Variants in SLC30A6 observed in about 807,000 individuals in gnomAD.
SLC30A6 encodes the protein solute carrier family 30 member 6, also known as zinc transporter 6.
In SLC30A6, 55 loss-of-function variants were observed where a neutral mutation model predicts 63.0. The observed-to-expected ratio is 0.87, with a 90% CI of 0.70 to 1.09. The LOEUF is 1.09. Ranked by LOEUF, SLC30A6 falls within the 50% of genes least tolerant of loss-of-function variation. SLC30A6 has a pLI of 0.00. For synonymous variants in SLC30A6, 224 were observed against 186.1 expected (o/e 1.20, Z -1.66); for missense variants, 587 against 549.2 (o/e 1.07, Z -0.69).
intron 4 of SLC30A6, among the ~76,000 whole-genome samples, chr2:32,183,656 C>G (rs575855558): frequency 2.0e-3 from 294 of 149,914 alleles, no homozygotes; most frequent in Non-Finnish European, 3.6e-3. Context: ...CTACTGCACT[C>G]CAGCCTGGGC....
At chr2:32,209,016 T>C (rs1685028641) in intron 12 of SLC30A6, among the ~76,000 whole-genome samples, 1 of 152,198 alleles carries the variant, frequency 6.6e-6, no homozygotes, top group African/African-American at 2.4e-5. Flanking sequence ...ACCAGTGGGC[T>C]ACACACTATA....
intron 2 of SLC30A6, among the ~76,000 whole-genome samples, chr2:32,172,455 C>A (rs1419771425): frequency 6.6e-6 from 1 of 151,562 alleles, no homozygotes; most frequent in Non-Finnish European, 1.5e-5. Flanking sequence ...CTCAAGGGAT[C>A]CTCCTTCCTC....
At chr2:32,190,474 A>T (rs984150584) in intron 5 of SLC30A6, among the ~76,000 whole-genome samples, 1 of 148,484 alleles carries the variant, frequency 6.7e-6, no homozygotes, top group African/African-American at 2.5e-5. Flanking sequence ...AAAAAAAAAA[A>T]GTTTTAAATT....
chr2:32,204,811 A>ATTTT (rs71407425), intron 11 of SLC30A6, 119 bp downstream of exon 11: 41 of 183,022 alleles, frequency 2.2e-4, no homozygotes, highest in Non-Finnish European at 2.8e-4. Context: ...TTTAATTTTA[A>ATTTT]TTTTTTTTTT....
intron 1 of SLC30A6, among the ~76,000 whole-genome samples, chr2:32,170,022 AG>A (rs1310881062): frequency 6.6e-6 from 1 of 152,166 alleles, no homozygotes. Flanking sequence ...TGTGAATTAT[AG>A]TTTTTTTTCA....
At chr2:32,177,107 C>T (rs1185007003) in intron 4 of SLC30A6, among the ~76,000 whole-genome samples, 7 of 152,088 alleles carry the variant, frequency 4.6e-5, no homozygotes, top group Non-Finnish European at 7.4e-5. Context: ...AGAGACCACT[C>T]GCCTTAGCTA....
intron 13 of SLC30A6, among the ~76,000 whole-genome samples, chr2:32,210,654 A>G (rs1685187095): frequency 1.3e-5 from 2 of 151,724 alleles, no homozygotes; most frequent in African/African-American, 4.9e-5. Flanking sequence ...AAAAAAACAG[A>G]TAGGGTTTGA....
rs568732019 is a variant in SLC30A6 at position 32,220,411 on chromosome 2, C to G, written c.1084C>G (p.Pro362Ala). ...TTCAGATCATCACGTAATCCCAATG[C>G]CTCTTTTAAAGGGTACTGATGATTT... ...NFSDHHVIPM[P>A]LLKGTDDLNP... The change falls in exon 14 of 14, where the codon CCT (proline) becomes GCT (alanine). Residue 362 changes from proline to alanine, a missense_variant. Pro to Ala is a conservative substitution (Grantham distance 27, BLOSUM62 -1). Coordinates refer to ENST00000282587, the MANE Select transcript of SLC30A6 (RefSeq NM_017964.5). The G allele has an allele frequency of 6.2e-7, 1 of 1,614,180 alleles. No individual in the cohort carries two copies. The highest frequency in any genetic ancestry group is 1.1e-5 in the South Asian group (1 of 91,078).
intron 4 of SLC30A6, among the ~76,000 whole-genome samples, chr2:32,182,619 C>T (rs62134020): frequency 0.084 from 12,720 of 152,214 alleles, 602 homozygotes; most frequent in Middle Eastern, 0.11. Flanking sequence ...TCTCTGTTCC[C>T]TGTACATGGA....
rs376145514 is a variant in SLC30A6, at chr2:32,213,022, C to T, written c.885+3461C>T. On this transcript the variant is annotated intron_variant, in intron 13 of 13. Transcript: ENST00000282587. ...CTGGGCTCAGATGATCCTCCTACCT[C>T]AGCCTTCCCAGTAGCTGGGATTACA... Among the ~76,000 whole-genome samples the T allele has an allele frequency of 4.0e-5, 6 of 151,656 alleles. No individual in the cohort carries two copies. In the East Asian group the frequency reaches 1.2e-3, roughly 29 times the overall value.
At chr2:32,198,228 T>C (rs1683968125) in intron 10 of SLC30A6, among the ~76,000 whole-genome samples, 1 of 152,240 alleles carries the variant, frequency 6.6e-6, no homozygotes, top group Non-Finnish European at 1.5e-5. Flanking sequence ...TAACATGTTA[T>C]GGCATATGAT....
At position 32,222,870 on chromosome 2, in the gene SLC30A6, C is replaced by T. The variant is rs1324872589; in HGVS notation, c.*2157C>T. 6.6e-6 allele frequency: 1 copy of T among 152,364 alleles called. No individual in the cohort carries two copies. The highest frequency in any genetic ancestry group is 6.5e-5 in the Admixed American group (1 of 15,270). The allele number at this position is 152,364 out of a possible 1,614,324, so 9.4% of individuals were successfully genotyped here. ...ATGGTTAAGAGGTATGTGCTGCCAC[C>T]CCATGCATGTCTTCCCCATCCCCAT... On this transcript the variant is annotated 3_prime_UTR_variant, in exon 14 of 14. Coordinates refer to ENST00000282587, the MANE Select transcript of SLC30A6 (RefSeq NM_017964.5).
At chr2:32,174,418 C>T (rs1681524817) in intron 3 of SLC30A6, among the ~76,000 whole-genome samples, 1 of 151,956 alleles carries the variant, frequency 6.6e-6, no homozygotes, top group Non-Finnish European at 1.5e-5. Context: ...GTCTCAAAAT[C>T]CTGAGCTCAA....
rs1686256325 is a variant in SLC30A6 at position 32,223,587 on chromosome 2, A to T, written c.*2874A>T. 1 of 152,250 alleles carries T rather than the reference A, an allele frequency of 6.6e-6. No individual in the cohort carries two copies. Among genetic ancestry groups the T allele is most frequent in the Admixed American group, 6.5e-5 (1 of 15,290 alleles). The allele number at this position is 152,250 out of a possible 1,614,324, so 9.4% of individuals were successfully genotyped here. On this transcript the variant is annotated 3_prime_UTR_variant, in exon 14 of 14. Transcript: ENST00000282587. ...AAACGGATGTTGTGCCCAGAATTTT[A>T]TCTAGTGACTACCTCAACATACAGG...
intron 13 of SLC30A6, among the ~76,000 whole-genome samples, chr2:32,215,293 C>G (rs1685598437): frequency 6.6e-6 from 1 of 151,998 alleles, no homozygotes; most frequent in African/African-American, 2.4e-5. Flanking sequence ...CTCATGGGCT[C>G]AAGCCATCCT....
intron 5 of SLC30A6, among the ~76,000 whole-genome samples, chr2:32,186,772 C>T (rs1469297370): frequency 1.3e-5 from 2 of 151,120 alleles, no homozygotes; most frequent in African/African-American, 2.4e-5. Context: ...CCCAGGTGGT[C>T]GATCACTTGA....
At chr2:32,178,391 G>A (rs370765434) in intron 4 of SLC30A6, among the ~76,000 whole-genome samples, 1 of 151,938 alleles carries the variant, frequency 6.6e-6, no homozygotes, top group East Asian at 1.9e-4. Flanking sequence ...ACCAGTTCAC[G>A]GGCCAAGTGT....
chr2:32,194,696 A>G (rs1558400677), intron 8 of SLC30A6, among the ~76,000 whole-genome samples: 1 of 152,212 alleles, frequency 6.6e-6, no homozygotes, highest in Non-Finnish European at 1.5e-5. Context: ...ACTCTAGGAT[A>G]GTCAAGAGAA....
intron 2 of SLC30A6, among the ~76,000 whole-genome samples, chr2:32,173,328 C>T (rs796924189): frequency 1.3e-5 from 2 of 151,954 alleles, no homozygotes; most frequent in African/African-American, 4.8e-5. Flanking sequence ...AAGATTTTTC[C>T]TTATTTCTCA....
Sources: allele counts gnomAD v4.1 joint callset (sites outside exome capture counted in the v4.1 genomes callset), GRCh38; gene constraint gnomAD v4.1.1; transcripts MANE v1.5; gene names NCBI Gene and HGNC (gene_info 2026-07-23, HGNC 2026-07-21).